The following PDE4D variants were observed in gnomAD, a reference collection of about 807,000 sequenced individuals.
PDE4D encodes the protein 3',5'-cyclic-AMP phosphodiesterase 4D.
A neutral mutation model predicts 87.4 loss-of-function variants in PDE4D; 24 were observed. The observed-to-expected ratio is 0.27, with a 90% CI of 0.20 to 0.39. The LOEUF is 0.39. Among genes scored for constraint, PDE4D ranks in the 10% least tolerant of loss-of-function variants. The pLI, the probability that PDE4D is intolerant of heterozygous loss-of-function variation, is 1.00. For synonymous variants in PDE4D, 384 were observed against 383.2 expected (o/e 1.00, Z -0.02); for missense variants, 714 against 1,041.0 (o/e 0.69, Z 4.32).
chr5:60,150,243 T>C (rs556296253), intron 2 of PDE4D, among the ~76,000 whole-genome samples: 3 of 151,990 alleles, frequency 2.0e-5, no homozygotes, highest in East Asian at 1.9e-4. Flanking sequence ...TAAGAGATCA[T>C]GGACTGAGTT....
intron 5 of PDE4D, among the ~76,000 whole-genome samples, chr5:59,043,633 G>C (rs907462109): frequency 3.9e-5 from 6 of 152,092 alleles, no homozygotes; most frequent in South Asian, 2.1e-4. Flanking sequence ...GTATACATGT[G>C]CCATGTTGGT....
chr5:59,120,012 T>G (rs1036568539), intron 5 of PDE4D, among the ~76,000 whole-genome samples: 1 of 151,826 alleles, frequency 6.6e-6, no homozygotes, highest in Non-Finnish European at 1.5e-5. Flanking sequence ...GCTTGGCTAA[T>G]TTTTTTATTC....
intron 3 of PDE4D, among the ~76,000 whole-genome samples, chr5:59,961,319 C>T (rs1167592893): frequency 6.7e-6 from 1 of 150,214 alleles, no homozygotes; most frequent in Non-Finnish European, 1.5e-5. Context: ...AAAAAAAAGG[C>T]CACGAGAGGA....
chr5:60,359,277 A>G (rs1023073593), intron 1 of PDE4D, among the ~76,000 whole-genome samples: 1 of 152,152 alleles, frequency 6.6e-6, no homozygotes, highest in African/African-American at 2.4e-5. Context: ...GCATGGTGGC[A>G]CAAGCCTGTG....
Position 60,452,609 on chromosome 5 carries a change from A to G in PDE4D, c.-90+35333T>C, listed in dbSNP as rs550216350. On this transcript the variant is annotated intron_variant, in intron 1 of 16. Transcript: ENST00000502484. ...AGATATGTTTGCATGCCAAATTACC[A>G]TAACATGAAGCAAAACGTAATAACT... 4.6e-5 allele frequency among the ~76,000 whole-genome samples: 7 copies of G among 152,262 alleles called. No individual in the cohort carries two copies. In the East Asian group the frequency reaches 1.2e-3, roughly 25 times the overall value.
At chr5:60,495,233 C>A (rs1216232290) in intron 1 of PDE4D, among the ~76,000 whole-genome samples, 1 of 152,152 alleles carries the variant, frequency 6.6e-6, no homozygotes, top group African/African-American at 2.4e-5. Flanking sequence ...TTTTGTCTAA[C>A]TTTTGTCATG....
At chr5:60,044,764 T>C (rs544777086) in intron 2 of PDE4D, among the ~76,000 whole-genome samples, 6 of 152,356 alleles carry the variant, frequency 3.9e-5, no homozygotes, top group African/African-American at 9.6e-5. Flanking sequence ...CAGTCTATCA[T>C]TGATGGACAT....
chr5:60,341,900 A>C (rs1758350979), intron 1 of PDE4D, among the ~76,000 whole-genome samples: 1 of 152,240 alleles, frequency 6.6e-6, no homozygotes, highest in African/African-American at 2.4e-5. Flanking sequence ...ATGAATTTAC[A>C]GGCAAAGAAG....
intron 5 of PDE4D, among the ~76,000 whole-genome samples, chr5:59,117,878 A>T (rs955437194): frequency 6.6e-6 from 1 of 150,992 alleles, no homozygotes. Context: ...TTGCTAGCAT[A>T]CCACACAATA....
chr5:59,013,270 G>T (rs10042425), intron 6 of PDE4D, among the ~76,000 whole-genome samples: 15,328 of 152,076 alleles, frequency 0.1, 1,027 homozygotes, highest in Non-Finnish European at 0.13. Flanking sequence ...ACATTCAAAA[G>T]CTAGCAGAAG....
chr5:59,853,486 T>C (rs1744978506), intron 1 of PDE4D, among the ~76,000 whole-genome samples: 1 of 152,084 alleles, frequency 6.6e-6, no homozygotes, highest in Admixed American at 6.6e-5. Flanking sequence ...AGCTAACTAC[T>C]CTTTTCAGTT....
At chr5:59,379,118 G>A (rs1214840354) in intron 1 of PDE4D, among the ~76,000 whole-genome samples, 3 of 151,960 alleles carry the variant, frequency 2.0e-5, no homozygotes, top group African/African-American at 7.3e-5. Flanking sequence ...ACTGCCTAGT[G>A]CACGGCAACT....
intron 1 of PDE4D, chr5:59,276,073 A>C: frequency 1.0e-6 from 1 of 973,296 alleles, no homozygotes; most frequent in Non-Finnish European, 1.2e-6. Flanking sequence ...CAAGGGCTGT[A>C]TGACGTCTGT....
chr5:60,065,750 C>T (rs1168775585), intron 2 of PDE4D, among the ~76,000 whole-genome samples: 3 of 152,154 alleles, frequency 2.0e-5, no homozygotes, highest in South Asian at 2.1e-4. Context: ...CATGTCCCTA[C>T]AAAGGACATG....
At chr5:60,407,737 G>A (rs2150059486) in intron 1 of PDE4D, among the ~76,000 whole-genome samples, 1 of 152,096 alleles carries the variant, frequency 6.6e-6, no homozygotes, top group Admixed American at 6.5e-5. Flanking sequence ...ACAGGCGTGA[G>A]CCACCACGCT....
chr5:60,334,279 G>A (rs1384763286), intron 1 of PDE4D, among the ~76,000 whole-genome samples: 1 of 152,138 alleles, frequency 6.6e-6, no homozygotes, highest in African/African-American at 2.4e-5. Flanking sequence ...GTGCCCTACT[G>A]ATAACTCCTT....
At chr5:59,339,874 CT>C in intron 1 of PDE4D, among the ~76,000 whole-genome samples, 1 of 152,138 alleles carries the variant, frequency 6.6e-6, no homozygotes, top group African/African-American at 2.4e-5. Flanking sequence ...CCCTAATTCA[CT>C]AATATCACTC....
intron 1 of PDE4D, among the ~76,000 whole-genome samples, chr5:60,372,243 C>G (rs1402648232): frequency 6.6e-6 from 1 of 152,198 alleles, no homozygotes; most frequent in Non-Finnish European, 1.5e-5. Context: ...AGCCACCCTG[C>G]TTTCTTAAGG....
chr5:59,646,250 T>C (rs1742421878), intron 1 of PDE4D, among the ~76,000 whole-genome samples: 1 of 152,214 alleles, frequency 6.6e-6, no homozygotes. Flanking sequence ...AGACATCAGT[T>C]GGTATAAAGC....
Sources: allele counts gnomAD v4.1 joint callset (sites outside exome capture counted in the v4.1 genomes callset), GRCh38; gene constraint gnomAD v4.1.1; transcripts MANE v1.5; gene names NCBI Gene and HGNC (gene_info 2026-07-23, HGNC 2026-07-21).